CCDC15: variants seen among roughly 807,000 people sequenced by gnomAD.
CCDC15 encodes coiled-coil domain-containing protein 15.
Under a neutral mutation model 114.5 loss-of-function variants are expected in CCDC15, and 105 were observed. The observed-to-expected ratio is 0.92, with a 90% CI of 0.78 to 1.08. The LOEUF (loss-of-function observed/expected upper bound fraction) is 1.08, where lower values mean the gene tolerates loss of function less well. Among genes scored for constraint, CCDC15 ranks in the 50% least tolerant of loss-of-function variants. The pLI, the probability that CCDC15 is intolerant of heterozygous loss-of-function variation, is 0.00. For synonymous variants in CCDC15, 334 were observed against 377.8 expected (o/e 0.88, Z 1.34); for missense variants, 1,105 against 1,093.6 (o/e 1.01, Z -0.15).
At chr11:124,986,661 ATGGTGCTGTGTGTGTGTG>A in intron 6 of CCDC15, 63 bp from the exon 7 acceptor site, 1 of 1,255,978 alleles carries the variant, frequency 8.0e-7, no homozygotes. Context: ...TAATAGCTAC[ATGGTGCTGTGTGTGTGTG>A]TGTGTGTGTG....
intron 4 of CCDC15, among the ~76,000 whole-genome samples, chr11:124,971,181 T>C (rs1171184398): frequency 1.3e-5 from 2 of 152,132 alleles, no homozygotes; most frequent in Non-Finnish European, 2.9e-5. Flanking sequence ...AGCAAAGTTT[T>C]GTTGGCAATG....
chr11:124,976,889 CAT>C (rs1328909964), intron 5 of CCDC15, among the ~76,000 whole-genome samples: 1 of 152,038 alleles, frequency 6.6e-6, no homozygotes, highest in Non-Finnish European at 1.5e-5. Context: ...CCAAAGAAAG[CAT>C]ATATGTTTTT....
At chr11:125,039,237 T>C (rs1948799203) in intron 15 of CCDC15, 168 bp downstream of exon 15, 1 of 503,482 alleles carries the variant, frequency 2.0e-6, no homozygotes, top group African/African-American at 2.0e-5. Context: ...TAATGAGTTA[T>C]ATTTCTCTTT....
chr11:124,973,769 AC>A (rs1016623201), intron 4 of CCDC15, among the ~76,000 whole-genome samples: 1 of 151,888 alleles, frequency 6.6e-6, no homozygotes, highest in Non-Finnish European at 1.5e-5. Context: ...GTAACAGACT[AC>A]AGGCGTGTGC....
At chr11:125,022,285 A>C (rs536158213) in intron 13 of CCDC15, among the ~76,000 whole-genome samples, 1 of 151,926 alleles carries the variant, frequency 6.6e-6, no homozygotes, top group Non-Finnish European at 1.5e-5. Flanking sequence ...TATCTTCACT[A>C]GTATAAAAGC....
At chr11:125,024,354 A>G (rs1439142527) in intron 13 of CCDC15, among the ~76,000 whole-genome samples, 2 of 152,118 alleles carry the variant, frequency 1.3e-5, no homozygotes, top group African/African-American at 4.8e-5. Context: ...GTTTCTACAA[A>G]TAGCATTTTT....
chr11:124,964,540 G>A (rs1212571166), intron 4 of CCDC15, among the ~76,000 whole-genome samples: 1 of 152,144 alleles, frequency 6.6e-6, no homozygotes, highest in Non-Finnish European at 1.5e-5. Context: ...GAGATTTTGG[G>A]CTGAGTCGAT....
At chr11:124,961,189 T>C (rs73020318) in intron 4 of CCDC15, among the ~76,000 whole-genome samples, 5,986 of 152,324 alleles carry the variant, frequency 0.039, 144 homozygotes, top group Middle Eastern at 0.092. Context: ...GTGGTGCTTG[T>C]AGCTGTTAGT....
chr11:124,966,072 A>G (rs943897556), intron 4 of CCDC15, among the ~76,000 whole-genome samples: 3 of 152,168 alleles, frequency 2.0e-5, no homozygotes, highest in African/African-American at 7.2e-5. Context: ...TATATGGTCA[A>G]TTTTGGAATA....
chr11:124,979,117 A>G (rs1241215308), intron 6 of CCDC15, among the ~76,000 whole-genome samples: 2 of 151,976 alleles, frequency 1.3e-5, no homozygotes, highest in Admixed American at 6.6e-5. Context: ...GGTGTGCAGC[A>G]TTATTTCTGG....
Position 125,039,053 on chromosome 11 carries a change from C to G in CCDC15, c.2718C>G (p.Phe906Leu). 1.3e-6 allele frequency: 2 copies of G among 1,596,032 alleles called. No individual in the cohort carries two copies. Among genetic ancestry groups the G allele is most frequent in the Non-Finnish European group, 1.7e-6 (2 of 1,168,978 alleles). The change falls in exon 15 of 16, where the codon TTC becomes TTG. Residue 906 changes from phenylalanine (F) to leucine (L), a missense_variant. Phe to Leu is a conservative substitution (Grantham distance 22, BLOSUM62 0). Coordinates refer to ENST00000344762, the MANE Select transcript of CCDC15 (RefSeq NM_025004.3). ...ATACCTGTGCCAACAACTGTATTTTCTATAAAAACCACAGAGGTAAGTTTC... is the reference window on the plus strand; with the variant it reads ...ATACCTGTGCCAACAACTGTATTTTGTATAAAAACCACAGAGGTAAGTTTC... ...HPDTCANNCI[F>L]YKNHRAYTRA... is the part of the protein sequence containing the mutation.
At chr11:125,007,948 A>T (rs1172639232) in intron 13 of CCDC15, among the ~76,000 whole-genome samples, 1 of 152,218 alleles carries the variant, frequency 6.6e-6, no homozygotes, top group Non-Finnish European at 1.5e-5. Context: ...TAGCTTTATA[A>T]TAAGTCTTGA....
At chr11:124,961,880 A>G (rs1947666108) in intron 4 of CCDC15, among the ~76,000 whole-genome samples, 1 of 152,184 alleles carries the variant, frequency 6.6e-6, no homozygotes. Flanking sequence ...AGAATCTCCA[A>G]TGAGCCAGGT....
chr11:124,998,609 G>C (rs1052112550), intron 11 of CCDC15, among the ~76,000 whole-genome samples: 1 of 151,896 alleles, frequency 6.6e-6, no homozygotes, highest in African/African-American at 2.4e-5. Context: ...AATCAGATAG[G>C]TCCTTTTCCC....
chr11:124,963,676 G>A (rs1376727354), intron 4 of CCDC15, among the ~76,000 whole-genome samples: 1 of 152,206 alleles, frequency 6.6e-6, no homozygotes, highest in Non-Finnish European at 1.5e-5. Flanking sequence ...TTTGGCTTCT[G>A]TTGCCATTGC....
chr11:125,037,386 T>G (rs1021459650), intron 13 of CCDC15: 1 of 152,224 alleles, frequency 6.6e-6, no homozygotes, highest in Non-Finnish European at 1.5e-5. Context: ...TCTCTTTTAT[T>G]TTGGATTGTT....
At chr11:124,979,896 T>G (rs547400635) in intron 6 of CCDC15, among the ~76,000 whole-genome samples, 1 of 152,292 alleles carries the variant, frequency 6.6e-6, no homozygotes, top group African/African-American at 2.4e-5. Context: ...TGATGTTGGC[T>G]CTGGGTTTTT....
chr11:124,954,874 C>A lies in CCDC15; in HGVS notation c.142C>A (p.Pro48Thr). The change falls in exon 2 of 16, where the codon CCT becomes ACT. Residue 48 changes from proline to threonine, a missense_variant. By Grantham distance (38) the Pro-to-Thr change is conservative. Transcript: ENST00000344762. ...AGTACCAGTTGGGGCATGGGTGGAACCTGCCTCACCAGGTAGTTCGGAAAT... is the reference window on the plus strand; with the variant it reads ...AGTACCAGTTGGGGCATGGGTGGAAACTGCCTCACCAGGTAGTTCGGAAAT... ...AIVPVGAWVE[P>T]ASPGSSEIPA... 6.2e-7 allele frequency: 1 copy of A among 1,613,968 alleles called. No homozygotes were observed. The highest frequency in any genetic ancestry group is 8.5e-7 in the Non-Finnish European group (1 of 1,179,872).
rs1947517194 is a variant in CCDC15 at position 124,954,740 on chromosome 11, G to A, written c.8G>A (p.Gly3Glu). ML[G>E]SMARKKPRNT... ...CCTAATCAGGAGTCACAGATGCTGG[G>A]AAGTATGGCCCGAAAGAAACCTCGA... The change falls in exon 2 of 16, where the codon GGA (glycine) becomes GAA (glutamate). Residue 3 changes from glycine to glutamate, a missense_variant. By Grantham distance (98) the Gly-to-Glu change is moderately conservative. Transcript: ENST00000344762. The A allele has an allele frequency of 6.2e-7, 1 of 1,613,784 alleles. No homozygotes were observed. Among genetic ancestry groups the A allele is most frequent in the South Asian group, 1.1e-5 (1 of 91,062 alleles).
Sources: allele counts gnomAD v4.1 joint callset (sites outside exome capture counted in the v4.1 genomes callset), GRCh38; gene constraint gnomAD v4.1.1; transcripts MANE v1.5; gene names NCBI Gene and HGNC (gene_info 2026-07-23, HGNC 2026-07-21).